Variants in CADM2 observed in about 807,000 individuals in gnomAD.
CADM2 encodes cell adhesion molecule 2.
Under a neutral mutation model 49.8 loss-of-function variants are expected in CADM2, and 12 were observed. The ratio of observed to expected loss-of-function variants is 0.24; its 90% CI spans 0.15 to 0.39. The LOEUF (loss-of-function observed/expected upper bound fraction) is 0.39, where lower values mean the gene tolerates loss of function less well. CADM2 is among the 10% of genes least tolerant of loss of function. CADM2 has a pLI of 1.00. For missense variants in CADM2, 378 were observed against 492.3 expected (o/e 0.77, Z 2.20); for synonymous variants, 214 against 175.4 (o/e 1.22, Z -1.74).
chr3:86,038,252 A>T (rs1271594728), intron 8 of CADM2, among the ~76,000 whole-genome samples: 1 of 152,220 alleles, frequency 6.6e-6, no homozygotes, highest in African/African-American at 2.4e-5. Flanking sequence ...GAAGTTAGCT[A>T]TCAGAAATTT....
intron 1 of CADM2, among the ~76,000 whole-genome samples, chr3:85,439,280 A>G (rs2037078997): frequency 6.6e-6 from 1 of 151,150 alleles, no homozygotes; most frequent in Non-Finnish European, 1.5e-5. Context: ...CAGTCTCCTT[A>G]GTAGCTGGGA....
At chr3:85,583,110 T>C (rs2062842679) in intron 1 of CADM2, among the ~76,000 whole-genome samples, 2 of 152,134 alleles carry the variant, frequency 1.3e-5, no homozygotes, top group African/African-American at 4.8e-5. Flanking sequence ...AAAGTTCAAA[T>C]AGATTCCTGA....
chr3:85,539,140 TA>T (rs140132068), intron 1 of CADM2, among the ~76,000 whole-genome samples: 15 of 148,374 alleles, frequency 1.0e-4, no homozygotes, highest in African/African-American at 2.9e-4. Context: ...AGATTTACAT[TA>T]AAAAAAAACA....
chr3:84,967,318 A>G (rs2107069028), intron 1 of CADM2, among the ~76,000 whole-genome samples: 1 of 152,230 alleles, frequency 6.6e-6, no homozygotes, highest in African/African-American at 2.4e-5. Flanking sequence ...AGTGTGTAAA[A>G]AAAGTCCTAA....
At chr3:85,289,673 C>T (rs1045002531) in intron 1 of CADM2, among the ~76,000 whole-genome samples, 21 of 152,190 alleles carry the variant, frequency 1.4e-4, no homozygotes, top group South Asian at 4.2e-4. Context: ...GGCTTGTCTT[C>T]CCCCTTCTCC....
rs869151718 is a variant in CADM2, at chr3:85,359,666, A to ATTTTTT, written c.62-366850_62-366845dup. On this transcript the variant is annotated intron_variant, in intron 1 of 9. Transcript: ENST00000383699. The stretch of plus-strand genomic sequence containing the variant: ...TATATATATATATATATATATATAT[A>ATTTTTT]TTTTTTTTTTTGGTGGAGGGGAGAA... Among the ~76,000 whole-genome samples the ATTTTTT allele has an allele frequency of 4.9e-3, 129 of 26,494 alleles. 13 individuals are homozygous for ATTTTTT. Among genetic ancestry groups the ATTTTTT allele is most frequent in the South Asian group, 8.5e-3 (6 of 706 alleles). The allele number at this position is 26,494 out of a possible 152,430, so 17.4% of individuals were successfully genotyped here.
Position 85,914,684 on chromosome 3 carries a change from A to G in CADM2, c.700+2141A>G, listed in dbSNP as rs554389948. ...ATCACCCAAAATCTACCAATAGTCA[A>G]GCAAAACCACATTTATGTAAGTTGC... On this transcript the variant is annotated intron_variant, in intron 6 of 9. Coordinates refer to ENST00000383699, the MANE Select transcript of CADM2 (RefSeq NM_001167675.2). Among the ~76,000 whole-genome samples, 3 of 152,334 alleles carry G rather than the reference A, an allele frequency of 2.0e-5. No individual in the cohort carries two copies. The South Asian group carries it at 6.2e-4, about 32-fold the overall frequency.
intron 1 of CADM2, among the ~76,000 whole-genome samples, chr3:85,130,958 G>A (rs1216213585): frequency 1.3e-5 from 2 of 152,184 alleles, no homozygotes. Flanking sequence ...CAAGGTGGGT[G>A]GATCACTTGA....
chr3:85,802,012 T>C (rs1332724211), intron 2 of CADM2, 35 bp from the exon 3 acceptor site: 2 of 1,552,434 alleles, frequency 1.3e-6, no homozygotes, highest in East Asian at 2.3e-5. Context: ...TTTATGACTT[T>C]CATTTAATCA....
At chr3:85,328,067 G>A (rs2044805318) in intron 1 of CADM2, among the ~76,000 whole-genome samples, 1 of 152,134 alleles carries the variant, frequency 6.6e-6, no homozygotes. Context: ...TCTTCTAGTT[G>A]TCATTTTAGC....
intron 1 of CADM2, among the ~76,000 whole-genome samples, chr3:85,573,157 TTTTATTTATTTA>T (rs34809115): frequency 0.026 from 3,671 of 139,534 alleles, 72 homozygotes; most frequent in African/African-American, 0.052. Context: ...AACGTGCTTA[TTTTATTTATTTA>T]TTTATTTATT....
intron 1 of CADM2, among the ~76,000 whole-genome samples, chr3:85,332,825 A>G (rs2044966523): frequency 6.6e-6 from 1 of 150,906 alleles, no homozygotes; most frequent in Non-Finnish European, 1.5e-5. Flanking sequence ...TGACTCAAAA[A>G]TCTGTGAACA....
intron 1 of CADM2, among the ~76,000 whole-genome samples, chr3:85,108,462 C>A (rs1241997087): frequency 1.3e-5 from 2 of 151,964 alleles, no homozygotes; most frequent in East Asian, 3.9e-4. Flanking sequence ...ATGCATGATT[C>A]CACTTCTATG....
intron 1 of CADM2, among the ~76,000 whole-genome samples, chr3:85,475,915 A>C (rs974868377): frequency 3.3e-5 from 5 of 151,952 alleles, no homozygotes; most frequent in African/African-American, 1.2e-4. Context: ...AGAAATGCTC[A>C]AAATATTCAG....
chr3:85,969,780 A>T (rs533947617), intron 8 of CADM2, among the ~76,000 whole-genome samples: 1 of 151,378 alleles, frequency 6.6e-6, no homozygotes, highest in East Asian at 2.0e-4. Flanking sequence ...TCTTCTAAAT[A>T]GTAGGTGCTC....
At chr3:86,044,291 A>G (rs1325498311) in intron 8 of CADM2, among the ~76,000 whole-genome samples, 1 of 152,234 alleles carries the variant, frequency 6.6e-6, no homozygotes, top group Admixed American at 6.5e-5. Context: ...AGAAAGGGAG[A>G]AAATTTTTGC....
At chr3:85,143,404 C>T (rs936721650) in intron 1 of CADM2, among the ~76,000 whole-genome samples, 1 of 152,182 alleles carries the variant, frequency 6.6e-6, no homozygotes, top group South Asian at 2.1e-4. Flanking sequence ...GGGAACATCA[C>T]TTGAGTCAAG....
chr3:85,450,230 A>T (rs2107565793), intron 1 of CADM2, among the ~76,000 whole-genome samples: 1 of 152,264 alleles, frequency 6.6e-6, no homozygotes, highest in Middle Eastern at 3.4e-3. Context: ...TTTAATTGTC[A>T]CATATGTTAT....
intron 3 of CADM2, among the ~76,000 whole-genome samples, chr3:85,837,135 A>C (rs2074446402): frequency 6.6e-6 from 1 of 151,574 alleles, no homozygotes; most frequent in South Asian, 2.1e-4. Context: ...TCATTTTAGA[A>C]TATTTCTCAT....
Sources: gnomAD v4.1 joint callset for allele counts (sites outside exome capture counted in the v4.1 genomes callset) on GRCh38, gnomAD v4.1.1 for gene constraint, MANE v1.5 for transcripts, NCBI Gene and HGNC (gene_info 2026-07-23, HGNC 2026-07-21) for gene names.